Variants in WIPF3 observed in about 807,000 individuals in gnomAD.
WIPF3 encodes WAS/WASL interacting protein family member 3.
In WIPF3, 33 loss-of-function variants were observed where a neutral mutation model predicts 38.9. The ratio of observed to expected loss-of-function variants is 0.85; its 90% CI spans 0.64 to 1.14. WIPF3 has a LOEUF of 1.14. WIPF3 is among the 50% of genes most tolerant of loss of function. The pLI, the probability that WIPF3 is intolerant of heterozygous loss-of-function variation, is 0.00. For synonymous variants in WIPF3, 324 were observed against 269.3 expected, an observed-to-expected ratio of 1.20 and a Z score of -1.99; for missense variants, 711 against 652.5, an observed-to-expected ratio of 1.09 and a Z score of -0.98.
chr7:29,809,529 G>A (rs1007678818), intron 1 of WIPF3, among the ~76,000 whole-genome samples: 1 of 152,352 alleles, frequency 6.6e-6, no homozygotes. Context: ...ATGAGTTAGG[G>A]TTGGTGAGAA....
At chr7:29,817,041 C>T (rs1784467429) in intron 1 of WIPF3, among the ~76,000 whole-genome samples, 1 of 152,118 alleles carries the variant, frequency 6.6e-6, no homozygotes, top group Non-Finnish European at 1.5e-5. Context: ...TTTATCTTTG[C>T]CAATTTGATA....
chr7:29,908,618 G>T (rs924361167), intron 8 of WIPF3, among the ~76,000 whole-genome samples: 1 of 152,164 alleles, frequency 6.6e-6, no homozygotes, highest in African/African-American at 2.4e-5. Context: ...GATTTTAAAA[G>T]ATAGATATCA....
intron 2 of WIPF3, among the ~76,000 whole-genome samples, chr7:29,847,233 G>A (rs565762266): frequency 6.6e-6 from 1 of 152,276 alleles, no homozygotes; most frequent in South Asian, 2.1e-4. Flanking sequence ...GACATGTTCA[G>A]GTCAAAAGTC....
intron 2 of WIPF3, among the ~76,000 whole-genome samples, chr7:29,840,433 GAGCAGGT>G (rs1400199042): frequency 1.3e-5 from 2 of 152,290 alleles, no homozygotes; most frequent in East Asian, 3.9e-4. Context: ...CCCCACTTCA[GAGCAGGT>G]AGTAGTTTTT....
intron 1 of WIPF3, among the ~76,000 whole-genome samples, chr7:29,811,254 TATGATGATGATG>T (rs60111327): frequency 2.0e-5 from 3 of 148,956 alleles, no homozygotes; most frequent in Non-Finnish European, 4.5e-5. Context: ...AATTAGCCAT[TATGATGATGATG>T]ATGATGATGA....
chr7:29,866,409 C>T (rs532869770), intron 2 of WIPF3, among the ~76,000 whole-genome samples: 145 of 152,312 alleles, frequency 9.5e-4, no homozygotes, highest in African/African-American at 3.4e-3. Flanking sequence ...AGAAGAGGCC[C>T]AACACTCACA....
At chr7:29,867,419 G>C (rs1367565678) in intron 2 of WIPF3, among the ~76,000 whole-genome samples, 1 of 152,056 alleles carries the variant, frequency 6.6e-6, no homozygotes, top group Non-Finnish European at 1.5e-5. Context: ...TGCCAGGCGG[G>C]GGCATGTTTC....
At chr7:29,887,083 G>GTCC (rs1161085805) in intron 5 of WIPF3, among the ~76,000 whole-genome samples, 6 of 152,244 alleles carry the variant, frequency 3.9e-5, no homozygotes, top group South Asian at 2.1e-4. Context: ...GGCGGCTGAT[G>GTCC]ACTGAGAATG....
intron 4 of WIPF3, among the ~76,000 whole-genome samples, chr7:29,883,254 G>A (rs1266661087): frequency 6.6e-6 from 1 of 152,194 alleles, no homozygotes; most frequent in Admixed American, 6.5e-5. Flanking sequence ...ACTTCCAGAG[G>A]TCATAGAACT....
Position 29,884,419 on chromosome 7 carries a change from C to G in WIPF3, c.925C>G (p.Pro309Ala). 1 of 1,258,904 alleles carries G rather than the reference C, an allele frequency of 7.9e-7. No individual in the cohort carries two copies. The highest frequency in any genetic ancestry group is 1.7e-5 in the African/African-American group (1 of 57,450). The allele number at this position is 1,258,904 out of a possible 1,614,324, so 78.0% of individuals were successfully genotyped here. A position where few individuals can be genotyped will look rare whatever the true frequency, so the allele number is the denominator to read the frequency against. ...TTCTTGCTCCCCGAGGGCTTCTTTG[C>G]CCGCGCCCCCTTTGCCAGGAGTTAA... Reference protein sequence around the residue: ...YASCSPRASLPAPPLPGVNSS... With the variant: ...YASCSPRASLAAPPLPGVNSS... The change falls in exon 5 of 9, where the codon CCC becomes GCC. Residue 309 changes from proline to alanine, a missense_variant. Transcript: ENST00000242140.
At chr7:29,850,370 A>C (rs1160964525) in intron 2 of WIPF3, among the ~76,000 whole-genome samples, 1 of 152,250 alleles carries the variant, frequency 6.6e-6, no homozygotes, top group Non-Finnish European at 1.5e-5. Flanking sequence ...AAAACGGAAG[A>C]GAAAGTTTAG....
At chr7:29,879,213 C>T in intron 4 of WIPF3, 73 bp downstream of exon 4, 1 of 1,539,550 alleles carries the variant, frequency 6.5e-7, no homozygotes, top group South Asian at 1.2e-5. Context: ...GGGCAATCCA[C>T]ACATGCCAGT....
intron 2 of WIPF3, among the ~76,000 whole-genome samples, chr7:29,863,449 A>C (rs1785333393): frequency 6.6e-6 from 1 of 152,250 alleles, no homozygotes; most frequent in Non-Finnish European, 1.5e-5. Context: ...TCATAACCAG[A>C]CCATACCATC....
At chr7:29,819,529 T>G (rs999752114) in intron 1 of WIPF3, among the ~76,000 whole-genome samples, 2 of 152,076 alleles carry the variant, frequency 1.3e-5, no homozygotes, top group African/African-American at 2.4e-5. Flanking sequence ...AAATATCTGG[T>G]TTCAAAAATT....
At chr7:29,903,714 G>T (rs1310995027) in intron 7 of WIPF3, among the ~76,000 whole-genome samples, 1 of 151,508 alleles carries the variant, frequency 6.6e-6, no homozygotes, top group Non-Finnish European at 1.5e-5. Flanking sequence ...AAAAAAAATT[G>T]AAGAGATAAA....
At chr7:29,885,675 GC>G (rs1222467872) in intron 5 of WIPF3, among the ~76,000 whole-genome samples, 5 of 152,116 alleles carry the variant, frequency 3.3e-5, no homozygotes, top group African/African-American at 4.8e-5. Flanking sequence ...AATTGGCTGG[GC>G]ATGGTGGCAG....
chr7:29,848,316 T>C (rs1414553595), intron 2 of WIPF3, among the ~76,000 whole-genome samples: 1 of 152,190 alleles, frequency 6.6e-6, no homozygotes, highest in Non-Finnish European at 1.5e-5. Flanking sequence ...AGGACTTTGT[T>C]TTCTAAGCTG....
At chr7:29,906,070 G>C (rs1247565128) in intron 8 of WIPF3, 1 of 152,290 alleles carries the variant, frequency 6.6e-6, no homozygotes, top group African/African-American at 2.4e-5. Context: ...CTGGGGGACA[G>C]AGAGAATTGA....
chr7:29,885,831 G>A (rs1456990985), intron 5 of WIPF3, among the ~76,000 whole-genome samples: 1 of 152,070 alleles, frequency 6.6e-6, no homozygotes, highest in Non-Finnish European at 1.5e-5. Context: ...AGTAAATTAA[G>A]TAATTCAATC....
Sources: gnomAD v4.1 joint callset for allele counts (sites outside exome capture counted in the v4.1 genomes callset) on GRCh38, gnomAD v4.1.1 for gene constraint, MANE v1.5 for transcripts, NCBI Gene and HGNC (gene_info 2026-07-23, HGNC 2026-07-21) for gene names.